Variants in STOX2 observed in about 807,000 individuals in gnomAD.
The protein encoded by STOX2 is storkhead-box protein 2.
Under a neutral mutation model 60.9 loss-of-function variants are expected in STOX2, and 28 were observed. The ratio of observed to expected loss-of-function variants is 0.46; its 90% CI spans 0.34 to 0.63. STOX2 has a LOEUF of 0.63. STOX2 is among the 30% of genes least tolerant of loss of function. The pLI is 0.01. For missense variants in STOX2, 1,024 were observed against 1,187.7 expected (o/e 0.86, Z 2.03); for synonymous variants, 472 against 463.9 (o/e 1.02, Z -0.22).
chr4:183,934,639 G>C (rs940021633), intron 1 of STOX2, among the ~76,000 whole-genome samples: 1 of 152,008 alleles, frequency 6.6e-6, no homozygotes, highest in Non-Finnish European at 1.5e-5. Flanking sequence ...AGCAGTTCTT[G>C]GCCTTGTCAG....
chr4:183,917,898 T>C (rs1371465170), intron 1 of STOX2, among the ~76,000 whole-genome samples: 4 of 152,266 alleles, frequency 2.6e-5, no homozygotes, highest in Non-Finnish European at 4.4e-5. Flanking sequence ...TATCCTCTGT[T>C]TTCTTATATT....
At chr4:183,914,597 A>G (rs914284025) in intron 1 of STOX2, among the ~76,000 whole-genome samples, 2 of 152,242 alleles carry the variant, frequency 1.3e-5, no homozygotes, top group African/African-American at 4.8e-5. Flanking sequence ...TTTCAGGTGA[A>G]CAATAAAGGC....
intron 1 of STOX2, among the ~76,000 whole-genome samples, chr4:183,915,692 A>G (rs2111093736): frequency 6.6e-6 from 1 of 152,320 alleles, no homozygotes; most frequent in South Asian, 2.1e-4. Context: ...AGGGGAGAAT[A>G]CCATGTGACG....
At chr4:183,889,493 C>T (rs1324714479) in intron 1 of STOX2, among the ~76,000 whole-genome samples, 17 of 152,200 alleles carry the variant, frequency 1.1e-4, no homozygotes, top group Admixed American at 2.6e-4. Context: ...AGACAGTTTC[C>T]GCTGTGTAAG....
At chr4:183,810,434 G>A (rs572449944) in intron 1 of STOX2, among the ~76,000 whole-genome samples, 1 of 152,316 alleles carries the variant, frequency 6.6e-6, no homozygotes, top group East Asian at 1.9e-4. Flanking sequence ...GAGAAATTAG[G>A]CTCAACTCCA....
In STOX2 at chr4:184,012,983, G is replaced by A. The variant is rs561993677; in HGVS notation, c.2585+1560G>A. On this transcript the variant is annotated intron_variant, in intron 3 of 3. Transcript: ENST00000308497. ...AGAAGGTCTGTAATCCGTGGTAGAA[G>A]TTGAGAACAATTTTTGGTGGTAGGT... is the stretch of plus-strand genomic sequence containing the variant. Among the ~76,000 whole-genome samples, 8 of 152,272 alleles carry A rather than the reference G, an allele frequency of 5.3e-5. No individual in the cohort carries two copies. The South Asian group carries it at 8.3e-4, about 16-fold the overall frequency.
chr4:183,949,330 T>A (rs11132215), intron 1 of STOX2, among the ~76,000 whole-genome samples: 19,692 of 151,326 alleles, frequency 0.13, 1,409 homozygotes, highest in East Asian at 0.29. Flanking sequence ...AAAGGTAGCA[T>A]TTTTTCTCTT....
chr4:183,909,168 G>GTGT (rs1203498242), intron 1 of STOX2, among the ~76,000 whole-genome samples: 2 of 152,276 alleles, frequency 1.3e-5, no homozygotes, highest in African/African-American at 4.8e-5. Context: ...TGGGAAGGAT[G>GTGT]TGTATCTTCA....
At chr4:183,819,368 C>A (rs933504331) in intron 1 of STOX2, among the ~76,000 whole-genome samples, 1 of 151,984 alleles carries the variant, frequency 6.6e-6, no homozygotes, top group African/African-American at 2.4e-5. Context: ...CACAGCGAAA[C>A]CCCGTCTCCA....
intron 1 of STOX2, among the ~76,000 whole-genome samples, chr4:183,969,166 A>G (rs2111172515): frequency 6.6e-6 from 1 of 152,352 alleles, no homozygotes; most frequent in South Asian, 2.1e-4. Flanking sequence ...AAATCTACTA[A>G]TCTGAATAGA....
At chr4:183,924,671 C>T (rs938274262) in intron 1 of STOX2, among the ~76,000 whole-genome samples, 2 of 152,026 alleles carry the variant, frequency 1.3e-5, no homozygotes, top group African/African-American at 4.8e-5. Flanking sequence ...CGCCCTGGCT[C>T]AGGGTGGAAA....
rs556149377 is a variant in STOX2 at position 183,838,661 on chromosome 4, C to T, written c.364+40606C>T. ...GAGTCCCCATGTCCTTAAAGCAGCA[C>T]AGTAATGCTCTTGCTCAAAACTGTG... On this transcript the variant is annotated intron_variant, in intron 1 of 2. Coordinates refer to the STOX2 transcript ENST00000513034. 3.8e-4 allele frequency among the ~76,000 whole-genome samples: 58 copies of T among 152,358 alleles called. No individual in the cohort carries two copies. The South Asian group carries it at 0.011, about 29-fold the overall frequency.
rs1739415364 is a variant in STOX2, at chr4:183,825,709, A to G, written c.364+27654A>G. ...GACAGGACAGGGGCAACCTAGACCT[A>G]GTGGAGCAGGAGTCAGGGTCAGCGA... is the stretch of plus-strand genomic sequence containing the variant. On this transcript the variant is annotated intron_variant, in intron 1 of 2. Coordinates refer to the STOX2 transcript ENST00000513034. The surrounding 1 kb of genome is among the most constrained non-coding windows in gnomAD (Gnocchi z 4.1). Among the ~76,000 whole-genome samples, 1 of 151,264 alleles carries G rather than the reference A, an allele frequency of 6.6e-6. No individual in the cohort carries two copies. The highest frequency in any genetic ancestry group is 1.5e-5 in the Non-Finnish European group (1 of 67,994).
chr4:183,895,959 A>G (rs1353933780), intron 1 of STOX2, among the ~76,000 whole-genome samples: 2 of 152,194 alleles, frequency 1.3e-5, no homozygotes, highest in Non-Finnish European at 2.9e-5. Context: ...AGTCTTTCAG[A>G]GAACTGACCT....
intron 1 of STOX2, among the ~76,000 whole-genome samples, chr4:183,943,749 C>T (rs1024244351): frequency 4.6e-5 from 7 of 152,218 alleles, no homozygotes; most frequent in Non-Finnish European, 1.0e-4. Flanking sequence ...TGGTGGCGTG[C>T]GCCTGTAGTC....
intron 1 of STOX2, among the ~76,000 whole-genome samples, chr4:183,802,698 C>T (rs1419659373): frequency 2.6e-5 from 4 of 151,950 alleles, no homozygotes; most frequent in Admixed American, 1.3e-4. Flanking sequence ...CTCCGCCTCC[C>T]GGGTTCACGC....
chr4:183,980,665 G>A (rs1405880698), intron 1 of STOX2, among the ~76,000 whole-genome samples: 1 of 150,908 alleles, frequency 6.6e-6, no homozygotes, highest in Non-Finnish European at 1.5e-5. Context: ...TCTGGACTTA[G>A]TTTGGAGCGA....
rs116639759 is a variant in STOX2, at chr4:183,830,800, C to T, written c.364+32745C>T. On this transcript the variant is annotated intron_variant, in intron 1 of 2. Coordinates refer to the STOX2 transcript ENST00000513034. ...TCCTCCAACAATAGGACACTTGTTC[C>T]GGTTTCAGGGTCACCTGATCCACAC... Among the ~76,000 whole-genome samples, 1,157 of 151,820 alleles carry T rather than the reference C, an allele frequency of 7.6e-3. 7 individuals carry two copies. Among genetic ancestry groups the T allele is most frequent in the Non-Finnish European group, 0.012 (841 of 67,920 alleles).
chr4:183,998,920 G>A (rs1733461236), intron 1 of STOX2, among the ~76,000 whole-genome samples: 2 of 152,068 alleles, frequency 1.3e-5, no homozygotes, highest in Non-Finnish European at 2.9e-5. Flanking sequence ...TTTAAGAGGT[G>A]GCCGGACTGT....
Sources: allele counts gnomAD v4.1 joint callset (sites outside exome capture counted in the v4.1 genomes callset), GRCh38; gene constraint gnomAD v4.1.1; non-coding constraint Gnocchi (gnomAD v3.1); transcripts MANE v1.5; gene names NCBI Gene and HGNC (gene_info 2026-07-23, HGNC 2026-07-21).